The following ELMO1 variants were observed in gnomAD, a reference collection of about 807,000 sequenced individuals.
ELMO1 encodes the protein engulfment and cell motility protein 1.
Under a neutral mutation model 98.9 loss-of-function variants are expected in ELMO1, and 26 were observed. The observed-to-expected ratio is 0.26, with a 90% CI of 0.19 to 0.36. The LOEUF (loss-of-function observed/expected upper bound fraction) is 0.36. Among genes scored for constraint, ELMO1 ranks in the 10% least tolerant of loss-of-function variants. ELMO1 has a pLI of 1.00. For synonymous variants in ELMO1, 346 were observed against 346.0 expected (o/e 1.00, Z 0.00); for missense variants, 627 against 935.2 (o/e 0.67, Z 4.30).
intron 6 of ELMO1, among the ~76,000 whole-genome samples, chr7:37,250,802 A>AC (rs1428743718): frequency 6.6e-6 from 1 of 151,928 alleles, no homozygotes; most frequent in Admixed American, 6.6e-5. Context: ...AAAAAAAAAA[A>AC]AAAAAAAAAC....
At chr7:37,104,071 C>T (rs1242184571) in intron 14 of ELMO1, among the ~76,000 whole-genome samples, 2 of 129,404 alleles carry the variant, frequency 1.5e-5, no homozygotes, top group African/African-American at 2.8e-5. Flanking sequence ...AACTAATGTT[C>T]GATAATTTTC....
At chr7:37,104,744 A>G (rs1784846435) in intron 14 of ELMO1, among the ~76,000 whole-genome samples, 1 of 152,234 alleles carries the variant, frequency 6.6e-6, no homozygotes, top group Admixed American at 6.5e-5. Context: ...ACTGACGACC[A>G]GGGAAAAGGA....
In ELMO1 at chr7:37,329,930, C is replaced by A. The variant is rs530261255; in HGVS notation, c.78+12683G>T. ...TTGATTGGGCTACTGCAAGAGCAAT[C>A]TAGCCTCTCATTTTCCATTTTGCCC... On this transcript the variant is annotated intron_variant, in intron 2 of 21. Coordinates refer to ENST00000310758, the MANE Select transcript of ELMO1 (RefSeq NM_014800.11). Among the ~76,000 whole-genome samples, 12 of 152,348 alleles carry A rather than the reference C, an allele frequency of 7.9e-5. No individual in the cohort carries two copies. In the East Asian group the frequency reaches 2.3e-3, roughly 29 times the overall value.
chr7:37,021,944 A>G (rs182372192), intron 15 of ELMO1, among the ~76,000 whole-genome samples: 12 of 152,308 alleles, frequency 7.9e-5, no homozygotes, highest in Admixed American at 7.2e-4. Flanking sequence ...ACAATAGAAC[A>G]GAATAGGGAG....
intron 15 of ELMO1, among the ~76,000 whole-genome samples, chr7:37,032,665 G>A (rs984890521): frequency 6.6e-6 from 1 of 152,144 alleles, no homozygotes; most frequent in Non-Finnish European, 1.5e-5. Context: ...AAAGTGAGAG[G>A]ACAATCCAAC....
Position 37,175,106 on chromosome 7 carries a change from A to G in ELMO1, c.1086+36280T>C, listed in dbSNP as rs142604872. ...GAAGGGAAAAAAGGAAGGCGGGAAA[A>G]GAAAAGAGAAACAGCATTTGAAACA... On this transcript the variant is annotated intron_variant, in intron 13 of 21. Transcript: ENST00000310758. Among the ~76,000 whole-genome samples, 247 of 152,350 alleles carry G rather than the reference A, an allele frequency of 1.6e-3. 2 individuals are homozygous for G. The highest frequency in any genetic ancestry group is 5.4e-3 in the African/African-American group (225 of 41,572).
intron 14 of ELMO1, among the ~76,000 whole-genome samples, chr7:37,126,567 T>C (rs535306015): frequency 2.6e-5 from 4 of 152,200 alleles, no homozygotes; most frequent in Admixed American, 1.3e-4. Context: ...TGTGAAAAAC[T>C]GCAAAGAAGT....
chr7:37,140,369 G>C (rs893714020), intron 13 of ELMO1, among the ~76,000 whole-genome samples: 19 of 151,764 alleles, frequency 1.3e-4, no homozygotes, highest in Non-Finnish European at 1.9e-4. Context: ...CTGGGCGACA[G>C]AGTGAGACTC....
chr7:37,081,979 A>G (rs1278551409), intron 15 of ELMO1, among the ~76,000 whole-genome samples: 2 of 152,176 alleles, frequency 1.3e-5, no homozygotes, highest in African/African-American at 4.8e-5. Context: ...ATTCTTACGG[A>G]CTCTGGTAAA....
rs181568183 is a variant in ELMO1 at position 37,154,431 on chromosome 7, G to A, written c.1087-21197C>T. 3.7e-4 allele frequency among the ~76,000 whole-genome samples: 56 copies of A among 152,218 alleles called. No individual in the cohort carries two copies. In the East Asian group the frequency reaches 0.01, roughly 28 times the overall value. On this transcript the variant is annotated intron_variant, in intron 13 of 21. Coordinates refer to ENST00000310758, the MANE Select transcript of ELMO1 (RefSeq NM_014800.11). ...TAAAAACCCTGAAAAAAGGTTAGATGAATAGCTAACTAGAACAACCAGTGT... is the reference window on the plus strand; with the variant it reads ...TAAAAACCCTGAAAAAAGGTTAGATAAATAGCTAACTAGAACAACCAGTGT...
intron 1 of ELMO1, among the ~76,000 whole-genome samples, chr7:37,404,659 G>A (rs932982628): frequency 5.3e-4 from 80 of 152,152 alleles, no homozygotes; most frequent in African/African-American, 1.8e-3. Flanking sequence ...GTGTTGAGAT[G>A]TTCCTCCTCT....
chr7:37,128,824 G>T (rs1786703013), intron 14 of ELMO1, among the ~76,000 whole-genome samples: 1 of 152,114 alleles, frequency 6.6e-6, no homozygotes, highest in Admixed American at 6.5e-5. Context: ...TGTGCCAGGG[G>T]CTAGAATATA....
At chr7:37,406,744 G>T (rs1177230038) in intron 1 of ELMO1, among the ~76,000 whole-genome samples, 1 of 152,058 alleles carries the variant, frequency 6.6e-6, no homozygotes, top group Non-Finnish European at 1.5e-5. Context: ...ACCAGGCCAA[G>T]AAAATATTCT....
chr7:37,264,747 C>T (rs1796155798), intron 5 of ELMO1, among the ~76,000 whole-genome samples: 1 of 152,066 alleles, frequency 6.6e-6, no homozygotes, highest in African/African-American at 2.4e-5. Context: ...CTCCAGACTC[C>T]AAGGGAGGAA....
At chr7:36,876,361 T>C (rs1803972159) in intron 19 of ELMO1, among the ~76,000 whole-genome samples, 1 of 152,100 alleles carries the variant, frequency 6.6e-6, no homozygotes, top group African/African-American at 2.4e-5. Flanking sequence ...ATGAAAGGGT[T>C]GTGATATTAA....
chr7:36,960,542 G>A (rs143745071), intron 16 of ELMO1, among the ~76,000 whole-genome samples: 154 of 151,892 alleles, frequency 1.0e-3, no homozygotes, highest in African/African-American at 3.1e-3. Context: ...ACAGCTCAAG[G>A]GTTACCTCCT....
intron 13 of ELMO1, among the ~76,000 whole-genome samples, chr7:37,193,885 T>C (rs1791807845): frequency 6.6e-6 from 1 of 152,176 alleles, no homozygotes; most frequent in Non-Finnish European, 1.5e-5. Flanking sequence ...GTGACTCTAG[T>C]ACACACTTAG....
chr7:37,131,277 A>C (rs1276793097), intron 14 of ELMO1, among the ~76,000 whole-genome samples: 1 of 152,162 alleles, frequency 6.6e-6, no homozygotes, highest in African/African-American at 2.4e-5. Context: ...GGAAAGTCTA[A>C]CCAATAAAGA....
At chr7:36,964,985 G>A (rs567735630) in intron 16 of ELMO1, among the ~76,000 whole-genome samples, 16 of 151,984 alleles carry the variant, frequency 1.1e-4, no homozygotes, top group Non-Finnish European at 1.6e-4. Context: ...ATCACCCCCC[G>A]CATCCCCCAT....
Sources: gnomAD v4.1 joint callset for allele counts (sites outside exome capture counted in the v4.1 genomes callset) on GRCh38, gnomAD v4.1.1 for gene constraint, MANE v1.5 for transcripts, NCBI Gene and HGNC (gene_info 2026-07-23, HGNC 2026-07-21) for gene names.